Variants in FBXL4 observed in about 807,000 individuals in gnomAD.
FBXL4 encodes F-box and leucine rich repeat protein 4.
A neutral mutation model predicts 58.9 loss-of-function variants in FBXL4; 40 were observed. The observed-to-expected ratio is 0.68, with a 90% CI of 0.53 to 0.88. The LOEUF is 0.88. Ranked by LOEUF, FBXL4 falls within the 40% of genes least tolerant of loss-of-function variation. FBXL4 has a pLI of 0.00. For missense variants in FBXL4, 676 were observed against 734.4 expected (o/e 0.92, Z 0.92); for synonymous variants, 263 against 265.5 (o/e 0.99, Z 0.09).
rs529243419 is a variant in FBXL4, at chr6:98,924,354, C to T, written c.512+2123G>A. Among the ~76,000 whole-genome samples the T allele has an allele frequency of 2.0e-4, 31 of 152,160 alleles. 2 individuals carry two copies. Among genetic ancestry groups the T allele is most frequent in the Admixed American group, 1.1e-3 (17 of 15,292 alleles). On this transcript the variant is annotated intron_variant, in intron 4 of 9. Transcript: ENST00000369244. Reference sequence around the variant, plus strand: ...GGCGGATCACCTGAGGTCAAGAGTTCGAGACCAGCCTGCCCAACCTGGTGA... The same window carrying T: ...GGCGGATCACCTGAGGTCAAGAGTTTGAGACCAGCCTGCCCAACCTGGTGA...
At chr6:98,885,799 T>C (rs941005150) in intron 7 of FBXL4, among the ~76,000 whole-genome samples, 1 of 152,212 alleles carries the variant, frequency 6.6e-6, no homozygotes, top group African/African-American at 2.4e-5. Context: ...ATAAATATCT[T>C]TATCTCCTAT....
intron 5 of FBXL4, among the ~76,000 whole-genome samples, chr6:98,911,736 G>A (rs1166760500): frequency 6.6e-6 from 1 of 152,286 alleles, no homozygotes; most frequent in Non-Finnish European, 1.5e-5. Context: ...GGGAAAAACA[G>A]AGCAGAAAAA....
chr6:98,921,397 G>T (rs542711504), intron 4 of FBXL4, among the ~76,000 whole-genome samples: 1 of 151,318 alleles, frequency 6.6e-6, no homozygotes, highest in African/African-American at 2.4e-5. Flanking sequence ...ATTTATCCTA[G>T]CCAGTAAGTA....
At chr6:98,935,189 C>T (rs1773161100) in intron 1 of FBXL4, among the ~76,000 whole-genome samples, 1 of 151,226 alleles carries the variant, frequency 6.6e-6, no homozygotes, top group South Asian at 2.1e-4. Flanking sequence ...ACAAGCATAT[C>T]TAAACTTCTG....
chr6:98,885,155 G>A (rs1355467122), intron 7 of FBXL4, among the ~76,000 whole-genome samples: 1 of 152,186 alleles, frequency 6.6e-6, no homozygotes, highest in Non-Finnish European at 1.5e-5. Context: ...CCATGCTTGA[G>A]TGTAGTGGCA....
rs931873565 is a variant in FBXL4 at position 98,898,815 on chromosome 6, A to G, written c.1317+453T>C. On this transcript the variant is annotated intron_variant, in intron 7 of 9. Transcript: ENST00000369244. Reference sequence around the variant, plus strand: ...TATTAGTGAAAAAGCAAGTAGACTAATATATATGACATGATTCCTTTTTAA... The same window carrying G: ...TATTAGTGAAAAAGCAAGTAGACTAGTATATATGACATGATTCCTTTTTAA... The G allele has an allele frequency of 3.0e-6, 3 of 985,228 alleles. No individual in the cohort carries two copies. The African/African-American group carries it at 5.2e-5, about 17-fold the overall frequency. The allele number at this position is 985,228 out of a possible 1,614,324, so 61.0% of individuals were successfully genotyped here. A position where few individuals can be genotyped will look rare whatever the true frequency, so the allele number is the denominator to read the frequency against.
At chr6:98,941,983 CAAATA>C (rs1773449222) in intron 1 of FBXL4, among the ~76,000 whole-genome samples, 1 of 150,144 alleles carries the variant, frequency 6.7e-6, no homozygotes, top group South Asian at 2.1e-4. Context: ...AATTAAGAGA[CAAATA>C]AATGACCTAG....
intron 5 of FBXL4, among the ~76,000 whole-genome samples, chr6:98,914,499 C>G (rs1407573721): frequency 6.6e-6 from 1 of 152,190 alleles, no homozygotes; most frequent in African/African-American, 2.4e-5. Flanking sequence ...CTCTGGGATG[C>G]AAGGCTGGTT....
chr6:98,911,461 C>T (rs1385107093), intron 5 of FBXL4, among the ~76,000 whole-genome samples: 1 of 152,120 alleles, frequency 6.6e-6, no homozygotes, highest in African/African-American at 2.4e-5. Flanking sequence ...CTCACACGGC[C>T]GGGTACTCCT....
At chr6:98,914,143 A>G (rs931021580) in intron 5 of FBXL4, among the ~76,000 whole-genome samples, 1 of 152,206 alleles carries the variant, frequency 6.6e-6, no homozygotes, top group Non-Finnish European at 1.5e-5. Context: ...GAATAGACCA[A>G]TAACAGGATC....
intron 1 of FBXL4, among the ~76,000 whole-genome samples, chr6:98,940,323 G>C (rs1167889065): frequency 2.0e-5 from 3 of 151,984 alleles, no homozygotes; most frequent in Non-Finnish European, 2.9e-5. Flanking sequence ...GTTGTTCAAG[G>C]GTCAGCTACA....
intron 5 of FBXL4, among the ~76,000 whole-genome samples, chr6:98,910,813 C>T (rs539859790): frequency 6.6e-6 from 1 of 152,132 alleles, no homozygotes; most frequent in Non-Finnish European, 1.5e-5. Flanking sequence ...CCAGGGAGTG[C>T]CAGATAGTGG....
chr6:98,904,051 C>G (rs948130886), intron 6 of FBXL4, among the ~76,000 whole-genome samples: 2 of 152,174 alleles, frequency 1.3e-5, no homozygotes, highest in East Asian at 3.9e-4. Flanking sequence ...AATTAAAATA[C>G]CCTAATGGTC....
At chr6:98,888,574 C>A (rs1433209569) in intron 7 of FBXL4, among the ~76,000 whole-genome samples, 2 of 151,692 alleles carry the variant, frequency 1.3e-5, no homozygotes, top group Non-Finnish European at 2.9e-5. Context: ...TCTTTCAGGT[C>A]CCCAAGTCTA....
intron 1 of FBXL4, among the ~76,000 whole-genome samples, chr6:98,939,676 T>C (rs1773359088): frequency 2.6e-5 from 4 of 152,218 alleles, no homozygotes; most frequent in African/African-American, 9.6e-5. Context: ...AGCAATTCCA[T>C]TTTTGCTTGT....
At chr6:98,884,162 T>G (rs1037156643) in intron 7 of FBXL4, among the ~76,000 whole-genome samples, 29 of 152,088 alleles carry the variant, frequency 1.9e-4, no homozygotes, top group Admixed American at 1.9e-3. Flanking sequence ...ACATGTCAGG[T>G]AGCATTGCTG....
chr6:98,899,505 A>C, intron 6 of FBXL4, 24 bp from the exon 7 acceptor site: 1 of 1,598,084 alleles, frequency 6.3e-7, no homozygotes, highest in Non-Finnish European at 8.5e-7. Flanking sequence ...ATTCTATGTG[A>C]ATTTTATAAA....
In FBXL4 at chr6:98,874,393, C is replaced by A. The variant is rs115816653; in HGVS notation, c.1751G>T (p.Cys584Phe). ...CACATCAAGTAAAGAAAGATCTTTA[C>A]AAGATTCCAGGAGTTTTCTTAAGGA... ...PASLRKLLES[C>F]KDLSLLDVSF... Residue 584 changes from cysteine to phenylalanine, a missense_variant, in exon 10 of 10, where the codon TGT becomes TTT. By Grantham distance (205) the Cys-to-Phe change is radical (BLOSUM62 -2). Coordinates refer to ENST00000369244, the MANE Select transcript of FBXL4 (RefSeq NM_001278716.2). 16 of 1,613,110 alleles carry A rather than the reference C, an allele frequency of 9.9e-6. No individual in the cohort carries two copies. The highest frequency in any genetic ancestry group is 2.7e-5 in the African/African-American group (2 of 74,910).
chr6:98,873,400 A>C lies in FBXL4; in HGVS notation c.*878T>G, dbSNP rs1770548230. On this transcript the variant is annotated 3_prime_UTR_variant, in exon 10 of 10. Transcript: ENST00000369244. ...TATCTCCACATTTATGTTTTTTTAT[A>C]TAATTCAGAAACCTCAAAACTTTAC... is the stretch of plus-strand genomic sequence containing the variant. 1 of 150,110 alleles carries C rather than the reference A, an allele frequency of 6.7e-6. No homozygotes were observed. Among genetic ancestry groups the C allele is most frequent in the Non-Finnish European group, 1.5e-5 (1 of 67,640 alleles). 9.3% of individuals were successfully genotyped at this position (150,110 alleles called of 1,614,324 possible).
Sources: allele counts gnomAD v4.1 joint callset (sites outside exome capture counted in the v4.1 genomes callset), GRCh38; gene constraint gnomAD v4.1.1; transcripts MANE v1.5; gene names NCBI Gene and HGNC (gene_info 2026-07-23, HGNC 2026-07-21).